Variants in MAP3K13 observed in about 807,000 individuals in gnomAD.
MAP3K13 encodes mitogen-activated protein kinase kinase kinase 13.
MAP3K13 carries 52 observed loss-of-function variants against 104.0 expected under a neutral mutation model. The ratio of observed to expected loss-of-function variants is 0.50; its 90% CI spans 0.40 to 0.63. MAP3K13 has a LOEUF of 0.63. Ranked by LOEUF, MAP3K13 falls within the 20% of genes least tolerant of loss-of-function variation. The pLI, the probability that MAP3K13 is intolerant of heterozygous loss-of-function variation, is 0.00. For missense variants in MAP3K13, 914 were observed against 1,218.5 expected (o/e 0.75, Z 3.72); for synonymous variants, 394 against 442.2 (o/e 0.89, Z 1.37).
chr3:185,437,401 T>C (rs749711612), intron 2 of MAP3K13, 46 bp from the exon 3 acceptor site: 3 of 1,555,102 alleles, frequency 1.9e-6, no homozygotes, highest in Non-Finnish European at 1.8e-6. Context: ...TGTAGAGTGG[T>C]CCCTTCTGAG....
chr3:185,286,765 G>A (rs1486670703), intron 2 of MAP3K13, among the ~76,000 whole-genome samples: 1 of 151,948 alleles, frequency 6.6e-6, no homozygotes, highest in Non-Finnish European at 1.5e-5. Context: ...AGGAATTATT[G>A]ACAGATTACC....
chr3:185,475,911 A>T (rs894005429), intron 11 of MAP3K13, among the ~76,000 whole-genome samples: 2 of 152,172 alleles, frequency 1.3e-5, no homozygotes, highest in Non-Finnish European at 2.9e-5. Flanking sequence ...GGGCCGATCC[A>T]TTCTCTCCTC....
intron 2 of MAP3K13, among the ~76,000 whole-genome samples, chr3:185,357,447 T>TAAAAAAAAAAAAAAAAAAAAAAAAAAAAA (rs71162295): frequency 1.1e-5 from 1 of 91,398 alleles, no homozygotes. Context: ...AAACTCCATC[T>TAAAAAAAAAAAAAAAAAAAAAAAAAAAAA]AAAAAAAAAA....
At chr3:185,466,752 T>C in intron 9 of MAP3K13, 74 bp from the exon 10 acceptor site, 1 of 1,533,938 alleles carries the variant, frequency 6.5e-7, no homozygotes. Context: ...GTGGTAGAAT[T>C]AGCCGGTGAA....
At chr3:185,386,872 G>A (rs1171904678) in intron 1 of MAP3K13, among the ~76,000 whole-genome samples, 1 of 152,142 alleles carries the variant, frequency 6.6e-6, no homozygotes, top group Non-Finnish European at 1.5e-5. Flanking sequence ...GACACATGGT[G>A]GGGAACAACA....
At chr3:185,467,656 G>T (rs1717526256) in intron 10 of MAP3K13, among the ~76,000 whole-genome samples, 1 of 151,906 alleles carries the variant, frequency 6.6e-6, no homozygotes, top group South Asian at 2.1e-4. Flanking sequence ...GGTGGCACGT[G>T]CCTGTAATCC....
intron 1 of MAP3K13, among the ~76,000 whole-genome samples, chr3:185,364,980 G>T (rs763524185): frequency 3.9e-5 from 6 of 152,102 alleles, no homozygotes; most frequent in African/African-American, 2.4e-5. Context: ...AGCACGAAAG[G>T]TCAAATTCTT....
At chr3:185,388,998 T>C (rs2108766019) in intron 1 of MAP3K13, among the ~76,000 whole-genome samples, 1 of 152,260 alleles carries the variant, frequency 6.6e-6, no homozygotes, top group Admixed American at 6.5e-5. Context: ...AGGCAGTACA[T>C]TCTGGTTAGG....
At chr3:185,299,715 C>T (rs1201771057) in intron 2 of MAP3K13, among the ~76,000 whole-genome samples, 1 of 47,738 alleles carries the variant, frequency 2.1e-5, no homozygotes, top group East Asian at 6.3e-4. Context: ...TACAGGCGCC[C>T]GCCACCGCGC....
At chr3:185,432,533 A>G (rs1714807028) in intron 2 of MAP3K13, among the ~76,000 whole-genome samples, 3 of 151,570 alleles carry the variant, frequency 2.0e-5, no homozygotes, top group African/African-American at 7.3e-5. Flanking sequence ...TTGGTTGGAC[A>G]CAAAACCTAC....
chr3:185,284,386 CT>C (rs1237791836), intron 1 of MAP3K13, among the ~76,000 whole-genome samples: 3 of 152,004 alleles, frequency 2.0e-5, no homozygotes, highest in Non-Finnish European at 4.4e-5. Context: ...AAACTGTTTC[CT>C]TTGTTGGAAG....
chr3:185,383,399 T>C (rs1468235846), intron 1 of MAP3K13, among the ~76,000 whole-genome samples: 3 of 151,994 alleles, frequency 2.0e-5, no homozygotes. Flanking sequence ...TTACTAAAAA[T>C]ATTTTTTAAA....
chr3:185,364,349 G>A (rs2108743953), intron 1 of MAP3K13, among the ~76,000 whole-genome samples: 1 of 152,272 alleles, frequency 6.6e-6, no homozygotes, highest in Admixed American at 6.5e-5. Context: ...TGCCCCTGGG[G>A]CAGCTCCTCA....
intron 5 of MAP3K13, among the ~76,000 whole-genome samples, chr3:185,448,339 A>C (rs989485125): frequency 2.0e-5 from 3 of 152,188 alleles, no homozygotes; most frequent in African/African-American, 4.8e-5. Context: ...TACACATATC[A>C]ATAATGTACC....
intron 1 of MAP3K13, among the ~76,000 whole-genome samples, chr3:185,386,624 A>C (rs1169769191): frequency 3.3e-5 from 5 of 152,240 alleles, no homozygotes; most frequent in Non-Finnish European, 5.9e-5. Context: ...AGCACTATTC[A>C]CAATAGCAAA....
chr3:185,376,486 T>G lies in MAP3K13; in HGVS notation c.-86+13118T>G, dbSNP rs534864012. On this transcript the variant is annotated intron_variant, in intron 1 of 13. Coordinates refer to ENST00000265026, the MANE Select transcript of MAP3K13 (RefSeq NM_004721.5). Reference sequence around the variant, plus strand: ...AAAGGCTACAGGGCGCAGTCCCGGCTCTTGTGTGAGAACTCCGACCACACA... The same window carrying G: ...AAAGGCTACAGGGCGCAGTCCCGGCGCTTGTGTGAGAACTCCGACCACACA... 1.4e-4 allele frequency among the ~76,000 whole-genome samples: 21 copies of G among 152,178 alleles called. 1 individual carries two copies. The South Asian group carries it at 4.4e-3, about 32-fold the overall frequency.
chr3:185,455,680 A>ATATATATATCATATATAT (rs1716612614), intron 7 of MAP3K13, among the ~76,000 whole-genome samples: 1 of 11,956 alleles, frequency 8.4e-5, no homozygotes, highest in African/African-American at 1.7e-4. Flanking sequence ...TATATATATG[A>ATATATATATCATATATAT]GATATATATA....
Position 185,473,043 on chromosome 3 carries a change from G to A in MAP3K13, c.1712G>A (p.Gly571Glu). The change falls in exon 11 of 14, where the codon GGA (glycine) becomes GAA (glutamate). Residue 571 changes from glycine (G) to glutamate (E), a missense_variant. This residue lies in a region of MAP3K13 where 583 missense variants were observed against 737.4 expected (regional missense o/e 0.79). Coordinates refer to ENST00000265026, the MANE Select transcript of MAP3K13 (RefSeq NM_004721.5). This position sits in a 1 kb window ranked among gnomAD's most constrained non-coding sequence, Gnocchi z 4.9. Reference sequence around the variant, plus strand: ...GCTCCCACTGCATCCCCTTTGTCCGGAAGTCCCAAAATGTCCACTTCTAGC... The same window carrying A: ...GCTCCCACTGCATCCCCTTTGTCCGAAAGTCCCAAAATGTCCACTTCTAGC... ...EVAPTASPLS[G>E]SPKMSTSSSK... The A allele has an allele frequency of 1.2e-6, 2 of 1,614,104 alleles. No individual in the cohort carries two copies. The highest frequency in any genetic ancestry group is 8.5e-7 in the Non-Finnish European group (1 of 1,180,024).
intron 1 of MAP3K13, among the ~76,000 whole-genome samples, chr3:185,410,518 A>C (rs1310845270): frequency 6.6e-6 from 1 of 152,218 alleles, no homozygotes; most frequent in African/African-American, 2.4e-5. Context: ...AACACAAAAA[A>C]AGATAAATGT....
Sources: allele counts gnomAD v4.1 joint callset (sites outside exome capture counted in the v4.1 genomes callset), GRCh38; gene constraint gnomAD v4.1.1; regional missense constraint gnomAD v4.1.1; non-coding constraint Gnocchi (gnomAD v3.1); transcripts MANE v1.5; gene names NCBI Gene and HGNC (gene_info 2026-07-23, HGNC 2026-07-21).